The following VPS36 variants were observed in gnomAD, a reference collection of about 807,000 sequenced individuals.
VPS36 encodes vacuolar protein sorting 36 homolog, also known as vacuolar protein-sorting-associated protein 36.
Under a neutral mutation model 63.5 loss-of-function variants are expected in VPS36, and 31 were observed. That is an observed-to-expected ratio of 0.49 (90% CI 0.37 to 0.66). VPS36 has a LOEUF of 0.66. VPS36 is among the 30% of genes least tolerant of loss of function. The pLI is 0.00. For missense variants in VPS36, 338 were observed against 463.7 expected (o/e 0.73, Z 2.49); for synonymous variants, 138 against 157.2 (o/e 0.88, Z 0.91).
At position 52,434,835 on chromosome 13, in the gene VPS36, A is replaced by G. The variant is rs760362895; in HGVS notation, c.399T>C (p.Asn133=). The change falls in exon 5 of 14, where the codon AAT becomes AAC. Residue 133 remains asparagine (N), a synonymous_variant. Coordinates refer to ENST00000378060, the MANE Select transcript of VPS36 (RefSeq NM_016075.4). ...SEEMTQRRWE[N]MPVSQSLQTN... ...TTTGTAATGACTGGGAAACTGGCAT[A>G]TTCTCCCATCTTCTTTGTGTCATTT... 6.2e-7 allele frequency: 1 copy of G among 1,614,028 alleles called. No individual in the cohort carries two copies. Among genetic ancestry groups the G allele is most frequent in the South Asian group, 1.1e-5 (1 of 91,042 alleles).
At chr13:52,433,634 A>G in intron 6 of VPS36, 28 bp downstream of exon 6, 1 of 1,550,482 alleles carries the variant, frequency 6.4e-7, no homozygotes, top group South Asian at 1.1e-5. Context: ...TGGCTGGAAT[A>G]GATGGAGAGC....
At chr13:52,439,253 G>A (rs1221809246) in intron 2 of VPS36, 85 bp from the exon 3 acceptor site, 114 of 1,072,136 alleles carry the variant, frequency 1.1e-4, no homozygotes, top group Non-Finnish European at 1.5e-4. Flanking sequence ...TAGCATTACA[G>A]TGCCATATGC....
chr13:52,417,925 G>A (rs1263624260), intron 11 of VPS36, 67 bp downstream of exon 11: 15 of 1,404,298 alleles, frequency 1.1e-5, no homozygotes, highest in East Asian at 2.3e-5. Context: ...ACTTGGCTGG[G>A]CTTTCCCATC....
At chr13:52,445,483 C>CAAAAA (rs1230971657) in intron 1 of VPS36, among the ~76,000 whole-genome samples, 1 of 145,558 alleles carries the variant, frequency 6.9e-6, no homozygotes. Flanking sequence ...ACTAAAAATA[C>CAAAAA]AAAAAATTAG....
chr13:52,425,265 A>G (rs1021039924), intron 9 of VPS36, among the ~76,000 whole-genome samples: 3 of 152,002 alleles, frequency 2.0e-5, no homozygotes, highest in Admixed American at 6.6e-5. Flanking sequence ...AAAAAAAAAA[A>G]AAAAAGAAAA....
At position 52,436,345 on chromosome 13, in the gene VPS36, T is replaced by C. The variant is rs776789902; in HGVS notation, c.296A>G (p.Gln99Arg). 8 of 1,613,516 alleles carry C rather than the reference T, an allele frequency of 5.0e-6. No homozygotes were observed. In the East Asian group the frequency reaches 1.8e-4, roughly 36 times the overall value. Reference sequence around the variant, plus strand: ...TTTGATGTAGGAGTTCTTACTACTCTGGAATGGGCCAGGTTCTTTGTTAGG... The same window carrying C: ...TTTGATGTAGGAGTTCTTACTACTCCGGAATGGGCCAGGTTCTTTGTTAGG... ...APPNKEPGPF[Q>R]SSKNSYIKLS... Residue 99 changes from glutamine (Q) to arginine (R), a missense_variant, in exon 4 of 14, where the codon CAG becomes CGG. By Grantham distance (43) the Gln-to-Arg change is conservative. Coordinates refer to ENST00000378060, the MANE Select transcript of VPS36 (RefSeq NM_016075.4).
intron 10 of VPS36, among the ~76,000 whole-genome samples, chr13:52,422,684 G>C (rs913092305): frequency 6.6e-5 from 10 of 152,162 alleles, no homozygotes; most frequent in African/African-American, 2.4e-4. Context: ...AGTTTGTTAA[G>C]GATAATAGCT....
intron 9 of VPS36, among the ~76,000 whole-genome samples, chr13:52,424,617 A>G (rs1958078421): frequency 6.6e-6 from 1 of 152,178 alleles, no homozygotes. Flanking sequence ...TTAAAAACAA[A>G]CAAACAAACA....
At position 52,417,991 on chromosome 13, in the gene VPS36, C is replaced by T. The variant is rs1391432636; in HGVS notation, c.905+1G>A. On this transcript the variant is annotated splice_donor_variant, in intron 11 of 13. Transcript: ENST00000378060. LOFTEE classifies it high-confidence loss of function. ...CAAACTTCCTGCAGAGGTTCCTTTA[C>T]CTGAGAGGTAATTTCAGTGCTTCCA... 1.2e-6 allele frequency: 2 copies of T among 1,610,976 alleles called. No homozygotes were observed. Among genetic ancestry groups the T allele is most frequent in the African/African-American group, 2.7e-5 (2 of 74,856 alleles).
chr13:52,447,550 C>T (rs1196171268), intron 1 of VPS36, among the ~76,000 whole-genome samples: 2 of 152,146 alleles, frequency 1.3e-5, no homozygotes, highest in Non-Finnish European at 2.9e-5. Context: ...AAAACTGTGC[C>T]TGTATAAACA....
Position 52,439,180 on chromosome 13 carries a change from TC to T in VPS36, c.166-13del, listed in dbSNP as rs745411166. 8 of 1,611,954 alleles carry T rather than the reference TC, an allele frequency of 5.0e-6. No individual in the cohort carries two copies. Among genetic ancestry groups the T allele is most frequent in the Middle Eastern group, 1.7e-4 (1 of 6,052 alleles). ...GCCATGCAACACTCCTAGGAGGAAA[TC>T]AATAGCTTAAATGAAAGACTCTAAA... is the stretch of plus-strand genomic sequence containing the variant. On this transcript the variant is annotated splice_polypyrimidine_tract_variant and intron_variant, in intron 2 of 13. Coordinates refer to ENST00000378060, the MANE Select transcript of VPS36 (RefSeq NM_016075.4).
Position 52,436,346 on chromosome 13 carries a change from G to C in VPS36, c.295C>G (p.Gln99Glu). The change falls in exon 4 of 14, where the codon CAG (glutamine) becomes GAG (glutamate). Residue 99 changes from glutamine (Q) to glutamate (E), a missense_variant. Gln to Glu is a conservative substitution (Grantham distance 29, BLOSUM62 2). Coordinates refer to ENST00000378060, the MANE Select transcript of VPS36 (RefSeq NM_016075.4). ...TTGATGTAGGAGTTCTTACTACTCT[G>C]GAATGGGCCAGGTTCTTTGTTAGGA... ...APPNKEPGPF[Q>E]SSKNSYIKLS... 1 of 1,613,302 alleles carries C rather than the reference G, an allele frequency of 6.2e-7. No homozygotes were observed.
At chr13:52,438,203 C>T (rs1423620950) in intron 3 of VPS36, among the ~76,000 whole-genome samples, 3 of 151,854 alleles carry the variant, frequency 2.0e-5, no homozygotes, top group Non-Finnish European at 4.4e-5. Context: ...TAACCTGGAA[C>T]AACCTTAAAG....
At position 52,450,633 on chromosome 13, in the gene VPS36, G is replaced by A. The variant is rs772497734; in HGVS notation, c.-39C>T. ...CAGCCCCGGCCCTCCGAGGCCGCGAGCAGCGCGCCAGGCAGCCTGCGGCGC... is the reference window on the plus strand; with the variant it reads ...CAGCCCCGGCCCTCCGAGGCCGCGAACAGCGCGCCAGGCAGCCTGCGGCGC... On this transcript the variant is annotated 5_prime_UTR_variant, in exon 1 of 14. Coordinates refer to ENST00000378060, the MANE Select transcript of VPS36 (RefSeq NM_016075.4). 2.6e-6 allele frequency: 4 copies of A among 1,532,430 alleles called. No individual in the cohort carries two copies. In the African/African-American group the frequency reaches 4.3e-5, roughly 16 times the overall value. The allele number at this position is 1,532,430 out of a possible 1,614,324, so 94.9% of individuals were successfully genotyped here. A position where few individuals can be genotyped will look rare whatever the true frequency, so the allele number is the denominator to read the frequency against.
chr13:52,439,319 AG>A (rs1347205018), intron 2 of VPS36, 151 bp from the exon 3 acceptor site: 2 of 627,508 alleles, frequency 3.2e-6, no homozygotes, highest in Non-Finnish European at 5.0e-6. Flanking sequence ...AATGAACTTA[AG>A]GAAAAATTAA....
At chr13:52,417,785 C>T (rs1958007127) in intron 11 of VPS36, among the ~76,000 whole-genome samples, 1 of 152,230 alleles carries the variant, frequency 6.6e-6, no homozygotes, top group Admixed American at 6.5e-5. Context: ...GAAGAACCCA[C>T]ATTCTTATTT....
chr13:52,417,496 G>T (rs1958004950), intron 11 of VPS36, among the ~76,000 whole-genome samples: 1 of 152,136 alleles, frequency 6.6e-6, no homozygotes. Flanking sequence ...CAGTAGCTGG[G>T]ATTACAGGCA....
At chr13:52,437,739 G>T (rs1056643795) in intron 3 of VPS36, among the ~76,000 whole-genome samples, 3 of 152,034 alleles carry the variant, frequency 2.0e-5, no homozygotes, top group Admixed American at 1.3e-4. Context: ...GACCATCCTG[G>T]CTAACACGGT....
intron 6 of VPS36, among the ~76,000 whole-genome samples, chr13:52,430,604 C>T (rs1958144919): frequency 6.6e-6 from 1 of 150,564 alleles, no homozygotes; most frequent in Admixed American, 6.6e-5. Context: ...TGCACTCCAG[C>T]GTGGGCAACA....
Sources: gnomAD v4.1 joint callset for allele counts (sites outside exome capture counted in the v4.1 genomes callset) on GRCh38, gnomAD v4.1.1 for gene constraint, MANE v1.5 for transcripts, NCBI Gene and HGNC (gene_info 2026-07-23, HGNC 2026-07-21) for gene names.